The following LRP6 variants were observed in gnomAD, a reference collection of about 807,000 sequenced individuals.
LRP6 encodes low-density lipoprotein receptor-related protein 6.
A neutral mutation model predicts 184.1 loss-of-function variants in LRP6; 43 were observed. The observed-to-expected ratio is 0.23, with a 90% CI of 0.18 to 0.30. The LOEUF (loss-of-function observed/expected upper bound fraction) is 0.30, where lower values mean the gene tolerates loss of function less well. Ranked by LOEUF, LRP6 falls within the 10% of genes least tolerant of loss-of-function variation. The pLI is 1.00. For synonymous variants in LRP6, 719 were observed against 684.9 expected, an observed-to-expected ratio of 1.05 and a Z score of -0.78; for missense variants, 1,571 against 2,005.3, an observed-to-expected ratio of 0.78 and a Z score of 4.14.
At chr12:12,229,827 T>A (rs1434023417) in intron 2 of LRP6, among the ~76,000 whole-genome samples, 1 of 150,546 alleles carries the variant, frequency 6.6e-6, no homozygotes, top group Non-Finnish European at 1.5e-5. Flanking sequence ...TCTGGTTATG[T>A]AATCTATTTG....
intron 16 of LRP6, among the ~76,000 whole-genome samples, chr12:12,136,270 A>AG (rs1949838407): frequency 6.6e-6 from 1 of 152,176 alleles, no homozygotes; most frequent in South Asian, 2.1e-4. Context: ...ATTCTCCTAT[A>AG]TTAAGATTTT....
intron 1 of LRP6, 79 bp downstream of exon 1, chr12:12,266,601 CT>C: frequency 8.3e-7 from 1 of 1,203,310 alleles, no homozygotes; most frequent in African/African-American, 1.5e-5. Flanking sequence ...TCCTCCGTCC[CT>C]CCCCTCCCCC....
At chr12:12,165,417 T>C in intron 7 of LRP6, 122 bp from the exon 8 acceptor site, 1 of 745,124 alleles carries the variant, frequency 1.3e-6, no homozygotes, top group Non-Finnish European at 2.4e-6. Context: ...CCTATTACAA[T>C]GCTTTCTCAA....
intron 1 of LRP6, among the ~76,000 whole-genome samples, chr12:12,247,104 AT>A (rs1865206999): frequency 6.6e-6 from 1 of 152,190 alleles, no homozygotes; most frequent in Admixed American, 6.5e-5. Flanking sequence ...CATCACACTG[AT>A]TTATCAGTCC....
intron 22 of LRP6, among the ~76,000 whole-genome samples, chr12:12,124,176 C>A (rs753591592): frequency 6.6e-6 from 1 of 152,008 alleles, no homozygotes; most frequent in Non-Finnish European, 1.5e-5. Context: ...GAGTTCGAGA[C>A]CAGCCTGGCC....
intron 2 of LRP6, among the ~76,000 whole-genome samples, chr12:12,212,943 G>A (rs570059670): frequency 1.3e-5 from 2 of 152,136 alleles, no homozygotes; most frequent in African/African-American, 4.8e-5. Context: ...CCCAGATGCC[G>A]CAGGGACAAA....
chr12:12,142,475 G>A (rs536397744), intron 15 of LRP6, among the ~76,000 whole-genome samples: 2 of 152,104 alleles, frequency 1.3e-5, no homozygotes, highest in Admixed American at 1.3e-4. Flanking sequence ...GCTATAAAAG[G>A]CTATGTGGGT....
At chr12:12,207,977 A>C (rs1271209092) in intron 2 of LRP6, among the ~76,000 whole-genome samples, 1 of 152,160 alleles carries the variant, frequency 6.6e-6, no homozygotes, top group Non-Finnish European at 1.5e-5. Flanking sequence ...CAGACCACAG[A>C]AGTAATCCAG....
chr12:12,198,469 TTTCTG>T (rs1863826177), intron 3 of LRP6, among the ~76,000 whole-genome samples: 1 of 151,916 alleles, frequency 6.6e-6, no homozygotes, highest in South Asian at 2.1e-4. Context: ...CTAGTTTTCT[TTTCTG>T]AAGTGATTTT....
At chr12:12,224,009 G>A (rs1864552578) in intron 2 of LRP6, among the ~76,000 whole-genome samples, 1 of 152,166 alleles carries the variant, frequency 6.6e-6, no homozygotes, top group African/African-American at 2.4e-5. Flanking sequence ...TAAAGAATAT[G>A]TGCAGTGCCT....
chr12:12,235,056 G>C (rs759784533), intron 2 of LRP6, among the ~76,000 whole-genome samples: 4 of 152,086 alleles, frequency 2.6e-5, no homozygotes, highest in South Asian at 2.1e-4. Context: ...ACTTTCCTGA[G>C]TATAAATTTT....
chr12:12,258,945 T>C (rs1400164795), intron 1 of LRP6, among the ~76,000 whole-genome samples: 2 of 151,760 alleles, frequency 1.3e-5, no homozygotes, highest in African/African-American at 4.8e-5. Context: ...TTCCAATATT[T>C]GGGTGACTAT....
At chr12:12,240,528 C>G (rs377395748) in intron 2 of LRP6, among the ~76,000 whole-genome samples, 1 of 151,882 alleles carries the variant, frequency 6.6e-6, no homozygotes, top group Non-Finnish European at 1.5e-5. Context: ...GCCAAGATCG[C>G]GCCACTGCAC....
intron 4 of LRP6, among the ~76,000 whole-genome samples, chr12:12,185,553 C>CAGAT (rs1164628604): frequency 6.6e-6 from 1 of 152,168 alleles, no homozygotes. Context: ...TACACTCAGA[C>CAGAT]AGATGCCAGA....
intron 7 of LRP6, among the ~76,000 whole-genome samples, chr12:12,171,240 A>T (rs144785331): frequency 6.6e-6 from 1 of 152,196 alleles, no homozygotes; most frequent in Non-Finnish European, 1.5e-5. Flanking sequence ...TTATTGGCCG[A>T]GCGCGGTGGC....
intron 7 of LRP6, 149 bp from the exon 8 acceptor site, chr12:12,165,444 T>C: frequency 2.9e-6 from 2 of 684,840 alleles, no homozygotes; most frequent in Non-Finnish European, 5.2e-6. Flanking sequence ...ATGATGATTT[T>C]ATAAAAATGA....
chr12:12,224,457 A>C (rs571540160), intron 2 of LRP6, among the ~76,000 whole-genome samples: 1 of 152,152 alleles, frequency 6.6e-6, no homozygotes, highest in South Asian at 2.1e-4. Flanking sequence ...GACTCATTTC[A>C]GAAAACTTCA....
rs374818483 is a variant in LRP6 at position 12,188,338 on chromosome 12, T to G, written c.648-1219A>C. On this transcript the variant is annotated intron_variant, in intron 3 of 22. Transcript: ENST00000261349. Reference sequence around the variant, plus strand: ...ATTTTCATAAATCCAAGTTTCCCAATAGCCCACCCAGGAGGCAGAGATGGG... The same window carrying G: ...ATTTTCATAAATCCAAGTTTCCCAAGAGCCCACCCAGGAGGCAGAGATGGG... Among the ~76,000 whole-genome samples the G allele has an allele frequency of 7.3e-5, 11 of 151,638 alleles. No homozygotes were observed. The East Asian group carries it at 1.7e-3, about 24-fold the overall frequency.
intron 1 of LRP6, among the ~76,000 whole-genome samples, chr12:12,253,655 A>G (rs1865384073): frequency 7.0e-6 from 1 of 142,234 alleles, no homozygotes. Context: ...ATTTCCACCT[A>G]TGAGTGAGAC....
Sources: allele counts gnomAD v4.1 joint callset (sites outside exome capture counted in the v4.1 genomes callset), GRCh38; gene constraint gnomAD v4.1.1; transcripts MANE v1.5; gene names NCBI Gene and HGNC (gene_info 2026-07-23, HGNC 2026-07-21).